Variants in PRKN observed in about 807,000 individuals in gnomAD.
PRKN encodes the protein parkin RBR E3 ubiquitin protein ligase, also known as E3 ubiquitin-protein ligase parkin.
PRKN carries 56 observed loss-of-function variants against 59.5 expected under a neutral mutation model. The ratio of observed to expected loss-of-function variants is 0.94; its 90% confidence interval spans 0.76 to 1.18. PRKN has a LOEUF of 1.18. Among genes scored for constraint, PRKN ranks in the 50% most tolerant of loss-of-function variants. The probability of loss-of-function intolerance (pLI) is 0.00; values close to 1 mark genes in which losing one functional copy is unlikely to be tolerated. For missense variants in PRKN, 657 were observed against 596.4 expected (o/e 1.10, Z -1.06); for synonymous variants, 250 against 222.1 (o/e 1.13, Z -1.12).
At chr6:162,359,079 A>AAAAAAAAAAAAATATATATATATATAT (rs57265104) in intron 2 of PRKN, among the ~76,000 whole-genome samples, 3 of 83,246 alleles carry the variant, frequency 3.6e-5, no homozygotes, top group African/African-American at 2.2e-4. Context: ...AAAAAAAAAA[A>AAAAAAAAAAAAATATATATATATATAT]ATATATATAT....
chr6:162,179,041 G>A (rs1783663090), intron 4 of PRKN, among the ~76,000 whole-genome samples: 1 of 152,054 alleles, frequency 6.6e-6, no homozygotes, highest in South Asian at 2.1e-4. Flanking sequence ...CTGATGCCTG[G>A]CTAATTTTTA....
At chr6:161,948,785 G>A (rs1779875847) in intron 6 of PRKN, among the ~76,000 whole-genome samples, 1 of 152,214 alleles carries the variant, frequency 6.6e-6, no homozygotes, top group African/African-American at 2.4e-5. Flanking sequence ...ACACAGAGCC[G>A]TGTCAGTAAG....
intron 3 of PRKN, among the ~76,000 whole-genome samples, chr6:162,252,838 T>G (rs561074396): frequency 6.6e-6 from 1 of 152,392 alleles, no homozygotes; most frequent in South Asian, 2.1e-4. Context: ...GAATCTTGGA[T>G]GAGAATGAAC....
intron 7 of PRKN, among the ~76,000 whole-genome samples, chr6:161,657,280 G>T (rs1784383164): frequency 6.6e-6 from 1 of 152,180 alleles, no homozygotes; most frequent in East Asian, 1.9e-4. Context: ...TTCTCATGTA[G>T]ATTTCTGGGA....
intron 1 of PRKN, among the ~76,000 whole-genome samples, chr6:162,650,072 T>C (rs1287447125): frequency 6.6e-6 from 1 of 152,190 alleles, no homozygotes; most frequent in Non-Finnish European, 1.5e-5. Flanking sequence ...ACTGTTAAGA[T>C]TGCTAAAAGT....
Position 161,575,227 on chromosome 6 carries a change from G to A in PRKN, c.872-5811C>T, listed in dbSNP as rs1373656311. Among the ~76,000 whole-genome samples, 9 of 152,186 alleles carry A rather than the reference G, an allele frequency of 5.9e-5. No individual in the cohort carries two copies. The highest frequency in any genetic ancestry group is 3.8e-4 in the East Asian group (2 of 5,202). On this transcript the variant is annotated intron_variant, in intron 7 of 11. Coordinates refer to ENST00000366898, the MANE Select transcript of PRKN (RefSeq NM_004562.3). The surrounding 1 kb of genome is among the most constrained non-coding windows in gnomAD (Gnocchi z 4.6). ...GAATCTTATTTTAAAGGACAACTGC[G>A]AAACTGGGCTCTATATTTCAATTAG...
chr6:162,396,670 C>T (rs1009257747), intron 2 of PRKN, among the ~76,000 whole-genome samples: 2 of 152,096 alleles, frequency 1.3e-5, no homozygotes, highest in Non-Finnish European at 2.9e-5. Context: ...ACTATTGGCA[C>T]ATTTGTTACA....
At chr6:162,444,161 T>C (rs369106982) in intron 1 of PRKN, among the ~76,000 whole-genome samples, 2 of 152,110 alleles carry the variant, frequency 1.3e-5, no homozygotes, top group East Asian at 1.9e-4. Context: ...GCACCTGCTG[T>C]CCCACCTCTT....
chr6:162,278,471 T>A (rs1780732791), intron 2 of PRKN, among the ~76,000 whole-genome samples: 1 of 152,072 alleles, frequency 6.6e-6, no homozygotes, highest in African/African-American at 2.4e-5. Flanking sequence ...TTTAGGTTTA[T>A]CAGCTGCAAA....
chr6:162,013,481 T>G (rs1372579209), intron 5 of PRKN, among the ~76,000 whole-genome samples: 1 of 152,124 alleles, frequency 6.6e-6, no homozygotes, highest in Non-Finnish European at 1.5e-5. Flanking sequence ...AGAAACTGAG[T>G]GCCAGGTGTA....
chr6:162,250,390 T>C (rs879117355), intron 3 of PRKN, among the ~76,000 whole-genome samples: 1 of 152,168 alleles, frequency 6.6e-6, no homozygotes, highest in Non-Finnish European at 1.5e-5. Context: ...CCAAAGTCAA[T>C]GGTTTAATAT....
Position 161,929,267 on chromosome 6 carries a change from G to A in PRKN, c.734+44035C>T, listed in dbSNP as rs561509378. Among the ~76,000 whole-genome samples, 236 of 152,210 alleles carry A rather than the reference G, an allele frequency of 1.6e-3. 1 individual carries two copies. Among genetic ancestry groups the A allele is most frequent in the Admixed American group, 4.3e-3 (65 of 15,288 alleles). ...CCTTTTATATGAAATGTCCAGAATA[G>A]ACACAACTATAGAGATGGAAAATAG... is the stretch of plus-strand genomic sequence containing the variant. On this transcript the variant is annotated intron_variant, in intron 6 of 11. Transcript: ENST00000366898.
intron 1 of PRKN, among the ~76,000 whole-genome samples, chr6:162,461,239 C>T (rs959389901): frequency 4.0e-5 from 6 of 151,524 alleles, no homozygotes; most frequent in Admixed American, 2.0e-4. Context: ...TGGTGGCTCA[C>T]GCCTGTAATC....
intron 1 of PRKN, among the ~76,000 whole-genome samples, chr6:162,697,659 G>C (rs1003019717): frequency 2.0e-5 from 3 of 152,030 alleles, no homozygotes; most frequent in Admixed American, 2.0e-4. Context: ...TCAAACAATA[G>C]TTTAGGATTT....
intron 3 of PRKN, among the ~76,000 whole-genome samples, chr6:162,252,080 T>A (rs1175988777): frequency 6.6e-6 from 1 of 152,172 alleles, no homozygotes; most frequent in African/African-American, 2.4e-5. Context: ...GTAAGAAAAG[T>A]CTAGGGCACA....
chr6:162,079,263 C>G (rs77001194), intron 4 of PRKN, among the ~76,000 whole-genome samples: 1,775 of 152,180 alleles, frequency 0.012, 44 homozygotes, highest in African/African-American at 0.041. Flanking sequence ...AAAGCAAGGA[C>G]GATAGTTGGG....
At chr6:161,992,553 G>C (rs914615608) in intron 5 of PRKN, among the ~76,000 whole-genome samples, 6 of 152,162 alleles carry the variant, frequency 3.9e-5, no homozygotes, top group African/African-American at 1.4e-4. Flanking sequence ...AGATCTATGA[G>C]ATAGAAAATA....
At position 161,828,891 on chromosome 6, in the gene PRKN, T is replaced by A. The variant is rs529309376; in HGVS notation, c.735-42983A>T. 3.3e-5 allele frequency among the ~76,000 whole-genome samples: 5 copies of A among 150,646 alleles called. No individual in the cohort carries two copies. In the South Asian group the frequency reaches 6.3e-4, roughly 19 times the overall value. The stretch of plus-strand genomic sequence containing the variant: ...GTTGCAGTGAGCTGAGATCACGCCA[T>A]TGCACTCTAGTCTGGAAAACAAAGT... On this transcript the variant is annotated intron_variant, in intron 6 of 11. Transcript: ENST00000366898.
intron 1 of PRKN, among the ~76,000 whole-genome samples, chr6:162,675,490 A>C (rs1779509738): frequency 6.6e-6 from 1 of 152,192 alleles, no homozygotes; most frequent in African/African-American, 2.4e-5. Context: ...CAAATTTACA[A>C]CACCAGGGAA....
Sources: gnomAD v4.1 joint callset for allele counts (sites outside exome capture counted in the v4.1 genomes callset) on GRCh38, gnomAD v4.1.1 for gene constraint, Gnocchi (gnomAD v3.1) non-coding constraint, MANE v1.5 for transcripts, NCBI Gene and HGNC (gene_info 2026-07-23, HGNC 2026-07-21) for gene names.